The following IRX4 variants were observed in gnomAD, a reference collection of about 807,000 sequenced individuals.
The protein encoded by IRX4 is iroquois-class homeodomain protein IRX-4.
Under a neutral mutation model 32.0 loss-of-function variants are expected in IRX4, and 22 were observed. The observed-to-expected ratio is 0.69, with a 90% confidence interval of 0.49 to 0.98. The LOEUF (loss-of-function observed/expected upper bound fraction) is 0.98. Among genes scored for constraint, IRX4 ranks in the 50% least tolerant of loss-of-function variants. IRX4 has a pLI of 0.00. For synonymous variants in IRX4, 379 were observed against 351.7 expected, an observed-to-expected ratio of 1.08 and a Z score of -0.87; for missense variants, 840 against 744.2, an observed-to-expected ratio of 1.13 and a Z score of -1.50.
chr5:1,882,695 C>T lies in IRX4; in HGVS notation c.-48G>A, dbSNP rs1735498020. ...CGGGCGGGGCCTGCAGGGTTCTGCG[C>T]GCTGGGGCCGGCGTGGCGCGGCCAC... On this transcript the variant is annotated 5_prime_UTR_variant, in exon 1 of 5. Coordinates refer to ENST00000231357, the MANE Select transcript of IRX4 (RefSeq NM_016358.3). 1 of 1,238,886 alleles carries T rather than the reference C, an allele frequency of 8.1e-7. No homozygotes were observed. The highest frequency in any genetic ancestry group is 2.2e-5 in the South Asian group (1 of 44,548). 76.7% of individuals were successfully genotyped at this position (1,238,886 alleles called of 1,614,324 possible).
At chr5:1,886,939 G>C (rs1293677607), upstream of IRX4, 2 of 151,528 alleles carry the variant, frequency 1.3e-5, no homozygotes, top group Non-Finnish European at 2.9e-5. Context: ...GGACGCACCG[G>C]GGAGTCGCCG....
rs1427251682 is a variant in IRX4 at position 1,882,019 on chromosome 5, G to C, written c.86C>G (p.Ser29Cys). Residue 29 changes from serine to cysteine, a missense_variant, in exon 2 of 5, where the codon TCC becomes TGC. By Grantham distance (112) the Ser-to-Cys change is moderately radical (BLOSUM62 -1). Transcript: ENST00000231357. Reference protein sequence around the residue: ...ATNSLSTCCESGGRTLADSGP... With the variant: ...ATNSLSTCCECGGRTLADSGP... The stretch of plus-strand genomic sequence containing the variant: ...GGAGTCCGCCAGCGTGCGGCCTCCG[G>C]ACTCGCAGCACGTGCTCAGGGAGTT... The C allele has an allele frequency of 6.5e-7, 1 of 1,548,666 alleles. No individual in the cohort carries two copies. The highest frequency in any genetic ancestry group is 2.4e-5 in the East Asian group (1 of 41,030).
At chr5:1,882,252 C>A (rs1157736726) in intron 1 of IRX4, among the ~76,000 whole-genome samples, 193 bp from the exon 2 acceptor site, 4 of 152,148 alleles carry the variant, frequency 2.6e-5, no homozygotes, top group Non-Finnish European at 2.9e-5. Flanking sequence ...GGGGCCCAGC[C>A]GAGCACCTAC....
intron 2 of IRX4, among the ~76,000 whole-genome samples, chr5:1,881,322 G>A (rs1229327593): frequency 1.5e-5 from 2 of 135,122 alleles, no homozygotes; most frequent in Non-Finnish European, 3.2e-5. Context: ...CGCAAGGCGG[G>A]GGGAGGAGCA....
chr5:1,882,542 C>T, intron 1 of IRX4, 61 bp downstream of exon 1: 1 of 1,396,874 alleles, frequency 7.2e-7, no homozygotes, highest in South Asian at 1.3e-5. Context: ...CACCCCCCGT[C>T]CCCGCCCCAT....
chr5:1,882,861 C>T lies in IRX4; in HGVS notation c.-214G>A. ...GCCGCGATTCCTTTAACTTCGCATT[C>T]CGGAGGCTCGAGGGGGCTCTGGGAC... On this transcript the variant is annotated 5_prime_UTR_variant, in exon 1 of 5. Transcript: ENST00000231357. 2.5e-6 allele frequency: 1 copy of T among 393,472 alleles called. No homozygotes were observed. The highest frequency in any genetic ancestry group is 1.4e-4 in the South Asian group (1 of 7,304). The allele number at this position is 393,472 out of a possible 1,614,324, so 24.4% of individuals were successfully genotyped here. A position where few individuals can be genotyped will look rare whatever the true frequency, so the allele number is the denominator to read the frequency against.
chr5:1,879,951 G>C (rs1735372130), intron 3 of IRX4, 119 bp from the exon 4 acceptor site: 11 of 1,521,218 alleles, frequency 7.2e-6, no homozygotes, highest in Non-Finnish European at 8.8e-6. Context: ...CCGTCGTGGG[G>C]TTGTGGTCAT....
intron 2 of IRX4, 46 bp from the exon 3 acceptor site, chr5:1,880,880 C>T (rs1735404686): frequency 7.2e-7 from 1 of 1,394,428 alleles, no homozygotes; most frequent in South Asian, 1.2e-5. Context: ...GGGAGGCAAC[C>T]CCACTCCAGC....
chr5:1,878,180 T>G lies in IRX4; in HGVS notation c.1349A>C (p.His450Pro). 6.3e-7 allele frequency: 1 copy of G among 1,589,666 alleles called. No individual in the cohort carries two copies. Among genetic ancestry groups the G allele is most frequent in the Non-Finnish European group, 8.5e-7 (1 of 1,170,144 alleles). Residue 450 changes from histidine (H) to proline (P), a missense_variant, in exon 5 of 5, where the codon CAC (histidine) becomes CCC (proline). Physicochemically the swap from His to Pro is moderately conservative, Grantham distance 77. Coordinates refer to ENST00000231357, the MANE Select transcript of IRX4 (RefSeq NM_016358.3). ...GGCCCAGGCCTGGTTCAAAGTGCTG[T>G]GCCTGAGGATGGGGTCGTGGAAGAC... Reference protein sequence around the residue: ...DGVFHDPILRHSTLNQAWATA... With the variant: ...DGVFHDPILRPSTLNQAWATA...
In IRX4 at chr5:1,877,454, T is replaced by C. The variant is rs1483668730; in HGVS notation, c.*515A>G. 6.5e-6 allele frequency: 1 copy of C among 153,290 alleles called. No individual in the cohort carries two copies. The highest frequency in any genetic ancestry group is 1.5e-5 in the Non-Finnish European group (1 of 68,658). 9.5% of individuals were successfully genotyped at this position (153,290 alleles called of 1,614,324 possible). A position where few individuals can be genotyped will look rare whatever the true frequency, so the allele number is the denominator to read the frequency against. The stretch of plus-strand genomic sequence containing the variant: ...CCATCACTCGGTTTTATTGGTTTTG[T>C]TATATTAGCCTCTGAAGCAGGCAAT... On this transcript the variant is annotated 3_prime_UTR_variant, in exon 5 of 5. Transcript: ENST00000231357.
Position 1,881,793 on chromosome 5 carries a change from G to A in IRX4, c.297+15C>T. On this transcript the variant is annotated intron_variant, in intron 2 of 4. Transcript: ENST00000231357. ...GGGCCAGGGGCAGGGCAAGGGCTAGGGATGCCCCACTTACCAGCGAGTAGA... is the reference window on the plus strand; with the variant it reads ...GGGCCAGGGGCAGGGCAAGGGCTAGAGATGCCCCACTTACCAGCGAGTAGA... 1 of 1,568,078 alleles carries A rather than the reference G, an allele frequency of 6.4e-7. No homozygotes were observed. The highest frequency in any genetic ancestry group is 2.4e-5 in the East Asian group (1 of 41,810).
At chr5:1,884,183 GC>G (rs1290204033), upstream of IRX4, 1 of 152,282 alleles carries the variant, frequency 6.6e-6, no homozygotes, top group African/African-American at 2.4e-5. Context: ...ACCGGGACTC[GC>G]CCCGGTTGCC....
At position 1,878,414 on chromosome 5, in the gene IRX4, G is replaced by T; in HGVS notation, c.1115C>A (p.Ala372Asp). 6.6e-7 allele frequency: 1 copy of T among 1,523,664 alleles called. No individual in the cohort carries two copies. The allele number at this position is 1,523,664 out of a possible 1,614,324, so 94.4% of individuals were successfully genotyped here. The change falls in exon 5 of 5, where the codon GCC becomes GAC. Residue 372 changes from alanine (A) to aspartate (D), a missense_variant. Transcript: ENST00000231357. ...LEAKPRIWSL[A>D]HTATAAAAAA... ...GGCGGCGGCGGCGGTGGCTGTGTGG[G>T]CCAGGGACCAGATGCGCGGCTTAGC... is the stretch of plus-strand genomic sequence containing the variant.
chr5:1,877,888 C>T lies in IRX4; in HGVS notation c.*81G>A, dbSNP rs1251397556. On this transcript the variant is annotated 3_prime_UTR_variant, in exon 5 of 5. Transcript: ENST00000231357. ...GCGGCTTCGCGGTGGCCGCGCTAGT[C>T]TTCCTCTGGAAACTCAGTGAAAAGA... 7.6e-7 allele frequency: 1 copy of T among 1,316,354 alleles called. No homozygotes were observed. The highest frequency in any genetic ancestry group is 1.0e-6 in the Non-Finnish European group (1 of 968,948). The allele number at this position is 1,316,354 out of a possible 1,614,324, so 81.5% of individuals were successfully genotyped here. A position where few individuals can be genotyped will look rare whatever the true frequency, so the allele number is the denominator to read the frequency against.
intron 3 of IRX4, 51 bp downstream of exon 3, chr5:1,880,674 A>G (rs1205556379): frequency 1.6e-6 from 2 of 1,234,624 alleles, no homozygotes; most frequent in Non-Finnish European, 2.4e-6. Context: ...GGTGGCTGAC[A>G]GTGCAGAGGG....
intron 1 of IRX4, 50 bp from the exon 2 acceptor site, chr5:1,882,109 G>T: frequency 6.6e-7 from 1 of 1,517,350 alleles, no homozygotes; most frequent in Non-Finnish European, 8.8e-7. Flanking sequence ...TGGAGGCTGG[G>T]GCCCTGGGCC....
At chr5:1,884,396 G>T (rs1735563035), upstream of IRX4, 1 of 152,332 alleles carries the variant, frequency 6.6e-6, no homozygotes, top group South Asian at 2.1e-4. Context: ...TCTTTTGACA[G>T]CTCGGTTGAA....
chr5:1,882,617 A>G lies in IRX4; in HGVS notation c.31T>C (p.Ser11Pro). The G allele has an allele frequency of 6.9e-7, 1 of 1,450,440 alleles. No homozygotes were observed. The allele number at this position is 1,450,440 out of a possible 1,614,324, so 89.8% of individuals were successfully genotyped here. A position where few individuals can be genotyped will look rare whatever the true frequency, so the allele number is the denominator to read the frequency against. The change falls in exon 1 of 5, where the codon TCC becomes CCC. Residue 11 changes from serine to proline, a missense_variant. Around this residue, in one of 3 missense-constraint regions of IRX4, gnomAD observed 241 missense variants for 220.8 expected, o/e 1.09. Coordinates refer to ENST00000231357, the MANE Select transcript of IRX4 (RefSeq NM_016358.3). ...GCTCCGCTTACCTGGGGAGCCGAGG[A>G]GTAGGGGTATCCAAACTGCGGGTAG... MSYPQFGYPY[S>P]SAPQFLMATN...
At chr5:1,880,002 C>T (rs1735374008) in intron 3 of IRX4, 170 bp from the exon 4 acceptor site, 2 of 1,498,396 alleles carry the variant, frequency 1.3e-6, no homozygotes, top group Middle Eastern at 1.9e-4. Flanking sequence ...CAACCAGGTG[C>T]CGCTGCCTGC....
Sources: gnomAD v4.1 joint callset for allele counts (sites outside exome capture counted in the v4.1 genomes callset) on GRCh38, gnomAD v4.1.1 for gene constraint, gnomAD v4.1.1 regional missense constraint, MANE v1.5 for transcripts, NCBI Gene and HGNC (gene_info 2026-07-23, HGNC 2026-07-21) for gene names.